The following HK1 variants were observed in gnomAD, a reference collection of about 807,000 sequenced individuals.
The protein encoded by HK1 is hexokinase-1.
Under a neutral mutation model 91.6 loss-of-function variants are expected in HK1, and 28 were observed. The ratio of observed to expected loss-of-function variants is 0.31; its 90% CI spans 0.23 to 0.42. The LOEUF is 0.42. Among genes scored for constraint, HK1 ranks in the 10% least tolerant of loss-of-function variants. HK1 has a pLI of 1.00. For synonymous variants in HK1, 430 were observed against 468.1 expected, an observed-to-expected ratio of 0.92 and a Z score of 1.05; for missense variants, 770 against 1,219.8, an observed-to-expected ratio of 0.63 and a Z score of 5.49.
intron 3 of HK1, among the ~76,000 whole-genome samples, chr10:69,292,629 G>A (rs1351148102): frequency 6.6e-6 from 1 of 152,190 alleles, no homozygotes; most frequent in African/African-American, 2.4e-5. Context: ...TATTTATGCT[G>A]TGCTTTCTGG....
At chr10:69,393,140 C>A (rs1839979365) in intron 15 of HK1, among the ~76,000 whole-genome samples, 1 of 151,994 alleles carries the variant, frequency 6.6e-6, no homozygotes, top group African/African-American at 2.4e-5. Context: ...CACAACCATG[C>A]CCAGCTAATT....
At chr10:69,337,952 G>A (rs535609686) in intron 1 of HK1, 35 of 155,024 alleles carry the variant, frequency 2.3e-4, no homozygotes, top group Non-Finnish European at 4.7e-4. Context: ...TGCATGTTCT[G>A]TTGGGAGCAG....
rs79499450 is a variant in HK1 at position 69,353,901 on chromosome 10, A to C, written c.227-5996A>C. On this transcript the variant is annotated intron_variant, in intron 2 of 17. Coordinates refer to ENST00000359426, the MANE Select transcript of HK1 (RefSeq NM_000188.3). ...TAATGCAACCCAAGGAGGGGGTTGTAGGAACCCCGATTTATAGTGATCAGC... is the reference window on the plus strand; with the variant it reads ...TAATGCAACCCAAGGAGGGGGTTGTCGGAACCCCGATTTATAGTGATCAGC... Among the ~76,000 whole-genome samples, 22 of 152,322 alleles carry C rather than the reference A, an allele frequency of 1.4e-4. No homozygotes were observed. In the East Asian group the frequency reaches 4.0e-3, roughly 28 times the overall value.
intron 1 of HK1, among the ~76,000 whole-genome samples, chr10:69,323,425 C>G (rs78225071): frequency 0.041 from 6,048 of 147,820 alleles, 206 homozygotes; most frequent in African/African-American, 0.098. Flanking sequence ...TCAGGAGGCT[C>G]ATTGAGCCCA....
intron 1 of HK1, among the ~76,000 whole-genome samples, chr10:69,339,887 T>C (rs74138362): frequency 0.032 from 4,898 of 152,324 alleles, 268 homozygotes; most frequent in African/African-American, 0.11. Context: ...TGCTTTGAAC[T>C]AATCACTTAG....
chr10:69,321,238 C>A (rs958362425), intron 1 of HK1, among the ~76,000 whole-genome samples: 18 of 152,218 alleles, frequency 1.2e-4, no homozygotes, highest in African/African-American at 4.3e-4. Context: ...ATGATTGCGC[C>A]ACCGCACTCC....
intron 5 of HK1, among the ~76,000 whole-genome samples, chr10:69,304,527 C>T (rs1298725062): frequency 1.3e-5 from 2 of 152,102 alleles, no homozygotes; most frequent in South Asian, 2.1e-4. Flanking sequence ...AAGCTGGTCT[C>T]GAACTCCTGA....
chr10:69,348,574 G>A (rs1244106264), intron 2 of HK1, among the ~76,000 whole-genome samples: 1 of 152,256 alleles, frequency 6.6e-6, no homozygotes, highest in Non-Finnish European at 1.5e-5. Flanking sequence ...ACTTTGGGAG[G>A]CCGAGGCAGG....
At chr10:69,280,036 C>A (rs1338287425) in intron 1 of HK1, among the ~76,000 whole-genome samples, 2 of 152,036 alleles carry the variant, frequency 1.3e-5, no homozygotes, top group Non-Finnish European at 2.9e-5. Flanking sequence ...GATTGACCTG[C>A]GAGAATCTAG....
At chr10:69,321,197 G>A (rs185371953) in intron 1 of HK1, among the ~76,000 whole-genome samples, 2 of 152,320 alleles carry the variant, frequency 1.3e-5, no homozygotes, top group Admixed American at 1.3e-4. Context: ...TGGACTGTGT[G>A]GCACAGCCAT....
At chr10:69,333,499 G>A (rs573165948) in intron 1 of HK1, among the ~76,000 whole-genome samples, 2 of 152,282 alleles carry the variant, frequency 1.3e-5, no homozygotes, top group African/African-American at 4.8e-5. Context: ...CTAGTTCAGT[G>A]TGACAGCCTT....
chr10:69,370,499 A>G (rs1849942678), intron 7 of HK1, among the ~76,000 whole-genome samples: 2 of 152,168 alleles, frequency 1.3e-5, no homozygotes, highest in South Asian at 4.1e-4. Context: ...AGAGGCCAAC[A>G]TGGTATGTGG....
chr10:69,318,260 T>C (rs3812691), upstream of HK1: 266,254 of 982,556 alleles, frequency 0.27, 38,390 homozygotes, highest in East Asian at 0.73. Flanking sequence ...TCGGCCTGGG[T>C]GAGGAAGGCG....
At chr10:69,323,726 AAGGAATAAACTGGC>A (rs1174480996) in intron 1 of HK1, among the ~76,000 whole-genome samples, 9 of 152,172 alleles carry the variant, frequency 5.9e-5, no homozygotes, top group Non-Finnish European at 8.8e-5. Flanking sequence ...GAATGTCATG[AAGGAATAAACTGGC>A]AGGCAGGGTG....
chr10:69,388,155 G>C (rs939236048), intron 13 of HK1, among the ~76,000 whole-genome samples: 1 of 152,100 alleles, frequency 6.6e-6, no homozygotes, highest in African/African-American at 2.4e-5. Context: ...GCTGCGGGTT[G>C]GGTGCAGTGA....
chr10:69,332,655 G>A (rs535045104), intron 1 of HK1, among the ~76,000 whole-genome samples: 49 of 152,216 alleles, frequency 3.2e-4, no homozygotes, highest in African/African-American at 1.2e-3. Context: ...GGGATTACAG[G>A]TGTCAGCCAT....
intron 1 of HK1, among the ~76,000 whole-genome samples, chr10:69,272,020 T>C (rs1004724560): frequency 6.6e-6 from 1 of 152,076 alleles, no homozygotes; most frequent in Non-Finnish European, 1.5e-5. Flanking sequence ...CCTGCCACCA[T>C]GGCCAGCTAA....
intron 15 of HK1, among the ~76,000 whole-genome samples, 196 bp from the exon 16 acceptor site, chr10:69,394,754 T>A (rs542435060): frequency 6.6e-6 from 1 of 152,276 alleles, no homozygotes; most frequent in African/African-American, 2.4e-5. Flanking sequence ...TTGTTTCTGA[T>A]GTGAGAGAGT....
At chr10:69,381,089 G>A (rs1344164425) in intron 9 of HK1, among the ~76,000 whole-genome samples, 2 of 152,128 alleles carry the variant, frequency 1.3e-5, no homozygotes, top group Non-Finnish European at 2.9e-5. Flanking sequence ...GATTGCTTGA[G>A]CCCAGGAGTT....
Sources: gnomAD v4.1 joint callset for allele counts (sites outside exome capture counted in the v4.1 genomes callset) on GRCh38, gnomAD v4.1.1 for gene constraint, MANE v1.5 for transcripts, NCBI Gene and HGNC (gene_info 2026-07-23, HGNC 2026-07-21) for gene names.